Variants in PBX1 observed in about 807,000 individuals in gnomAD.
PBX1 encodes PBX homeobox 1.
In PBX1, 6 loss-of-function variants were observed where a neutral mutation model predicts 53.4. That is an observed-to-expected ratio of 0.11 (90% CI 0.06 to 0.22). The LOEUF is 0.22. Among genes scored for constraint, PBX1 ranks in the 10% least tolerant of loss-of-function variants. The pLI is 1.00. For synonymous variants in PBX1, 204 were observed against 212.3 expected (o/e 0.96, Z 0.34); for missense variants, 251 against 551.4 (o/e 0.46, Z 5.46).
intron 2 of PBX1, among the ~76,000 whole-genome samples, chr1:164,649,580 C>T (rs1440689450): frequency 6.6e-6 from 1 of 152,164 alleles, no homozygotes; most frequent in Non-Finnish European, 1.5e-5. Context: ...GCCATGGCCA[C>T]TTGGCTTCCT....
intron 2 of PBX1, among the ~76,000 whole-genome samples, chr1:164,788,086 G>A (rs1001998816): frequency 6.6e-6 from 1 of 152,042 alleles, no homozygotes; most frequent in Admixed American, 6.6e-5. Context: ...AAGAGATGAG[G>A]GGGAGGGAGA....
chr1:164,846,463 A>T, intron 8 of PBX1, 121 bp from the exon 9 acceptor site: 1 of 818,674 alleles, frequency 1.2e-6, no homozygotes, highest in Non-Finnish European at 2.1e-6. Context: ...CCATTTGATG[A>T]GTGTCTCCAT....
chr1:164,559,274 G>C lies in PBX1; in HGVS notation c.-549G>C, dbSNP rs959457409. 2 of 190,224 alleles carry C rather than the reference G, an allele frequency of 1.1e-5. No individual in the cohort carries two copies. Among genetic ancestry groups the C allele is most frequent in the Non-Finnish European group, 2.2e-5 (2 of 91,078 alleles). 11.8% of individuals were successfully genotyped at this position (190,224 alleles called of 1,614,324 possible). On this transcript the variant is annotated 5_prime_UTR_variant, in exon 1 of 9. Coordinates refer to ENST00000420696, the MANE Select transcript of PBX1 (RefSeq NM_002585.4). Reference sequence around the variant, plus strand: ...TGCTTTGCCTGCCGCCGCGGCTGGGGGAGATCTGGCTTTTGCAACAGCCCA... The same window carrying C: ...TGCTTTGCCTGCCGCCGCGGCTGGGCGAGATCTGGCTTTTGCAACAGCCCA...
intron 6 of PBX1, 144 bp downstream of exon 6, chr1:164,812,293 G>A: frequency 5.1e-6 from 4 of 791,920 alleles, no homozygotes; most frequent in Non-Finnish European, 7.6e-6. Flanking sequence ...GGATGTTAAT[G>A]TCACTTTGGG....
At chr1:164,696,599 G>A (rs1255180250) in intron 2 of PBX1, among the ~76,000 whole-genome samples, 1 of 152,170 alleles carries the variant, frequency 6.6e-6, no homozygotes, top group African/African-American at 2.4e-5. Context: ...TTTGTTACCT[G>A]AGAGAATGGG....
intron 2 of PBX1, among the ~76,000 whole-genome samples, chr1:164,757,382 T>A (rs1666585202): frequency 1.3e-5 from 2 of 152,156 alleles, no homozygotes; most frequent in African/African-American, 4.8e-5. Context: ...TAATATTTGG[T>A]CCTAATATTG....
intron 2 of PBX1, among the ~76,000 whole-genome samples, chr1:164,748,126 G>A (rs963799731): frequency 2.0e-5 from 3 of 152,168 alleles, no homozygotes; most frequent in African/African-American, 4.8e-5. Context: ...AAGCAGACTA[G>A]CAGGATTTGA....
At chr1:164,714,590 A>G (rs1171227968) in intron 2 of PBX1, among the ~76,000 whole-genome samples, 5 of 152,202 alleles carry the variant, frequency 3.3e-5, no homozygotes. Context: ...AACAAATGCA[A>G]TAATAGCCAG....
chr1:164,782,887 C>A (rs922949898), intron 2 of PBX1, among the ~76,000 whole-genome samples: 2 of 152,150 alleles, frequency 1.3e-5, no homozygotes, highest in Non-Finnish European at 2.9e-5. Context: ...AATCACAGAT[C>A]CCACCCAGAA....
At chr1:164,672,525 T>G (rs1472178120) in intron 2 of PBX1, among the ~76,000 whole-genome samples, 1 of 152,250 alleles carries the variant, frequency 6.6e-6, no homozygotes, top group African/African-American at 2.4e-5. Flanking sequence ...AGAGCTTAAG[T>G]GTCTGCATTC....
chr1:164,707,840 T>C (rs1405582276), intron 2 of PBX1, among the ~76,000 whole-genome samples: 3 of 152,224 alleles, frequency 2.0e-5, no homozygotes, highest in South Asian at 4.1e-4. Flanking sequence ...TAAATAGAGA[T>C]CACTGTGAGG....
At chr1:164,640,421 C>T (rs983939372) in intron 2 of PBX1, among the ~76,000 whole-genome samples, 1 of 152,102 alleles carries the variant, frequency 6.6e-6, no homozygotes, top group African/African-American at 2.4e-5. Context: ...CTTATCTGGA[C>T]TACTGCATAA....
intron 2 of PBX1, among the ~76,000 whole-genome samples, chr1:164,759,268 A>T (rs1341300675): frequency 1.3e-5 from 2 of 152,198 alleles, no homozygotes; most frequent in Non-Finnish European, 2.9e-5. Context: ...AACGATTAGG[A>T]TCATTATTTG....
chr1:164,721,472 A>G (rs1458602112), intron 2 of PBX1, among the ~76,000 whole-genome samples: 2 of 152,088 alleles, frequency 1.3e-5, no homozygotes, highest in East Asian at 3.9e-4. Context: ...CAGGACTGGA[A>G]GAGAATGGAG....
chr1:164,729,922 T>G (rs181898721), intron 2 of PBX1, among the ~76,000 whole-genome samples: 35 of 152,372 alleles, frequency 2.3e-4, no homozygotes, highest in African/African-American at 8.2e-4. Flanking sequence ...CGTTGTCTCA[T>G]TTAATCTTCC....
At chr1:164,601,802 G>T (rs1397974321) in intron 2 of PBX1, among the ~76,000 whole-genome samples, 1 of 152,128 alleles carries the variant, frequency 6.6e-6, no homozygotes, top group Non-Finnish European at 1.5e-5. Context: ...TAGCCTGTGG[G>T]ATTAACTTTC....
At chr1:164,877,017 T>A (rs1369243396) in intron 2 of PBX1, among the ~76,000 whole-genome samples, 1 of 152,174 alleles carries the variant, frequency 6.6e-6, no homozygotes, top group Non-Finnish European at 1.5e-5. Flanking sequence ...GGAAGTACCA[T>A]GTGCCAAATA....
intron 2 of PBX1, among the ~76,000 whole-genome samples, chr1:164,636,256 G>A (rs749062267): frequency 2.0e-5 from 3 of 152,038 alleles, no homozygotes; most frequent in Admixed American, 6.6e-5. Flanking sequence ...AGTTTCTTGG[G>A]TTAACCAAGG....
At chr1:164,748,981 A>G (rs139609797) in intron 2 of PBX1, among the ~76,000 whole-genome samples, 1 of 152,282 alleles carries the variant, frequency 6.6e-6, no homozygotes, top group Non-Finnish European at 1.5e-5. Context: ...CCACCTTGAC[A>G]TTGATAGCTA....
Sources: gnomAD v4.1 joint callset for allele counts (sites outside exome capture counted in the v4.1 genomes callset) on GRCh38, gnomAD v4.1.1 for gene constraint, MANE v1.5 for transcripts, NCBI Gene and HGNC (gene_info 2026-07-23, HGNC 2026-07-21) for gene names.